Variants in RP1 observed in about 807,000 individuals in gnomAD.
RP1 encodes oxygen-regulated protein 1.
A neutral mutation model predicts 14.8 loss-of-function variants in RP1; 16 were observed. The ratio of observed to expected loss-of-function variants is 1.08; its 90% CI spans 0.73 to 1.65. The LOEUF is 1.65. Ranked by LOEUF, RP1 falls within the 40% of genes most tolerant of loss-of-function variation. The pLI is 0.00. For missense variants in RP1, 2,631 were observed against 2,535.0 expected, an observed-to-expected ratio of 1.04 and a Z score of -0.81; for synonymous variants, 876 against 883.6, an observed-to-expected ratio of 0.99 and a Z score of 0.15.
At chr8:54,644,455 C>A (rs1806506725) in intron 3 of RP1, among the ~76,000 whole-genome samples, 1 of 152,146 alleles carries the variant, frequency 6.6e-6, no homozygotes, top group Admixed American at 6.5e-5. Context: ...TCTGTGGATG[C>A]CAAAGGGGTC....
intron 1 of RP1, among the ~76,000 whole-genome samples, chr8:54,569,691 G>A (rs1302833650): frequency 6.6e-6 from 1 of 152,180 alleles, no homozygotes; most frequent in Admixed American, 6.5e-5. Flanking sequence ...TTCACTGAGG[G>A]CCCAGTGGTT....
At chr8:54,779,531 GA>G (rs1446437298) in intron 23 of RP1, among the ~76,000 whole-genome samples, 1 of 152,032 alleles carries the variant, frequency 6.6e-6, no homozygotes, top group African/African-American at 2.4e-5. Flanking sequence ...TTAATTTTCT[GA>G]ACTACAAAGT....
intron 1 of RP1, among the ~76,000 whole-genome samples, chr8:54,583,284 T>A (rs572136873): frequency 6.6e-6 from 1 of 152,346 alleles, no homozygotes; most frequent in South Asian, 2.1e-4. Flanking sequence ...TTGGTTCTGT[T>A]TATATGCTGG....
chr8:54,775,786 A>G (rs900629641), intron 23 of RP1, among the ~76,000 whole-genome samples: 1 of 152,270 alleles, frequency 6.6e-6, no homozygotes, highest in Non-Finnish European at 1.5e-5. Context: ...AGGCTCATAC[A>G]GACCTGCATA....
chr8:54,637,712 A>G (rs969471586), intron 3 of RP1, among the ~76,000 whole-genome samples: 1 of 152,084 alleles, frequency 6.6e-6, no homozygotes, highest in African/African-American at 2.4e-5. Flanking sequence ...ATTAAATTAC[A>G]GGGCTTTCAT....
chr8:54,738,519 C>G (rs1166516946), intron 18 of RP1, among the ~76,000 whole-genome samples: 2 of 152,084 alleles, frequency 1.3e-5, no homozygotes, highest in African/African-American at 4.8e-5. Context: ...TAGACTCACA[C>G]TTTTCTTAAG....
Position 54,726,248 on chromosome 8 carries a change from G to C in RP1, c.2390-97G>C, listed in dbSNP as rs561000419. ...ACTAGGCATTGAAATGGAAACAATA[G>C]CAAAAATTAAACTTGCATAGCTGAA... On this transcript the variant is annotated intron_variant, in intron 16 of 22. Coordinates refer to the RP1 transcript ENST00000636932. 36 of 1,331,714 alleles carry C rather than the reference G, an allele frequency of 2.7e-5. No homozygotes were observed. The African/African-American group carries it at 5.2e-4, about 19-fold the overall frequency. The allele number at this position is 1,331,714 out of a possible 1,614,324, so 82.5% of individuals were successfully genotyped here.
chr8:54,721,697 G>A (rs1446503337), intron 16 of RP1, among the ~76,000 whole-genome samples: 1 of 152,098 alleles, frequency 6.6e-6, no homozygotes, highest in Non-Finnish European at 1.5e-5. Flanking sequence ...GATGGTTTAT[G>A]TTTTCTTCTC....
At chr8:54,724,743 A>T (rs1297184782) in intron 16 of RP1, among the ~76,000 whole-genome samples, 5 of 152,150 alleles carry the variant, frequency 3.3e-5, no homozygotes, top group African/African-American at 1.2e-4. Flanking sequence ...GAGCGATAGG[A>T]ACTTGCTGGA....
intron 12 of RP1, among the ~76,000 whole-genome samples, chr8:54,692,769 C>T (rs1274733110): frequency 4.0e-5 from 6 of 150,030 alleles, no homozygotes; most frequent in South Asian, 2.1e-4. Context: ...CTGTAGGTTG[C>T]CTGTTCACTC....
At chr8:54,756,322 T>C (rs1373845409) in intron 21 of RP1, among the ~76,000 whole-genome samples, 2 of 152,188 alleles carry the variant, frequency 1.3e-5, no homozygotes, top group African/African-American at 4.8e-5. Context: ...TTGTTGTATA[T>C]GGAGAGAAGG....
intron 3 of RP1, among the ~76,000 whole-genome samples, chr8:54,646,643 G>T (rs1362229890): frequency 6.6e-6 from 1 of 152,100 alleles, no homozygotes; most frequent in Non-Finnish European, 1.5e-5. Context: ...GCAGGGTTAA[G>T]GTTTGAATCA....
intron 24 of RP1, among the ~76,000 whole-genome samples, chr8:54,790,383 T>A (rs1414022412): frequency 6.6e-6 from 1 of 152,160 alleles, no homozygotes; most frequent in Non-Finnish European, 1.5e-5. Context: ...GAATACCTGA[T>A]TGCTTCCTTA....
intron 22 of RP1, among the ~76,000 whole-genome samples, chr8:54,759,265 G>C (rs1008357765): frequency 2.0e-4 from 30 of 151,898 alleles, no homozygotes; most frequent in Admixed American, 2.0e-3. Context: ...GCTAGACATT[G>C]TAAGGAAGAC....
chr8:54,700,860 GTT>G (rs1807996618), intron 13 of RP1, among the ~76,000 whole-genome samples: 1 of 152,130 alleles, frequency 6.6e-6, no homozygotes, highest in Admixed American at 6.6e-5. Flanking sequence ...GTGTCAGATG[GTT>G]TCTTGCAGAT....
intron 3 of RP1, among the ~76,000 whole-genome samples, chr8:54,622,606 C>T (rs902888275): frequency 3.9e-5 from 6 of 152,190 alleles, no homozygotes; most frequent in Non-Finnish European, 7.3e-5. Flanking sequence ...GTGTAAGTCT[C>T]TTCTCTGGTA....
rs1811785523 is a variant in RP1 at position 54,841,357 on chromosome 8, G to T, written c.3835+3688G>T. On this transcript the variant is annotated intron_variant, in intron 25 of 28. Coordinates refer to the RP1 transcript ENST00000637698. ...AAGCTATTATACTTATCTTGGAGTT[G>T]CCATGCTGGTAAAGTCCTAGGGATG... 1.3e-5 allele frequency among the ~76,000 whole-genome samples: 2 copies of T among 152,242 alleles called. 1 individual carries two copies. The highest frequency in any genetic ancestry group is 4.1e-4 in the South Asian group (2 of 4,832).
downstream of RP1, among the ~76,000 whole-genome samples, chr8:54,772,496 T>C (rs1016110163): frequency 8.5e-5 from 13 of 152,200 alleles, no homozygotes; most frequent in South Asian, 2.7e-3. Context: ...CCTGGTACAA[T>C]GTGGAATAGA....
intron 24 of RP1, among the ~76,000 whole-genome samples, chr8:54,819,727 C>T (rs140735591): frequency 6.6e-6 from 1 of 152,248 alleles, no homozygotes; most frequent in East Asian, 1.9e-4. Flanking sequence ...CTTGCAAACT[C>T]ATGGAGGTAC....
Sources: allele counts gnomAD v4.1 joint callset (sites outside exome capture counted in the v4.1 genomes callset), GRCh38; gene constraint gnomAD v4.1.1; transcripts MANE v1.5; gene names NCBI Gene and HGNC (gene_info 2026-07-23, HGNC 2026-07-21).